SEC14L5: variants seen among roughly 807,000 people sequenced by gnomAD.
SEC14L5 encodes the protein SEC14-like protein 5.
A neutral mutation model predicts 84.6 loss-of-function variants in SEC14L5; 96 were observed. That is an observed-to-expected ratio of 1.13 (90% CI 0.96 to 1.34). The LOEUF is 1.34. Ranked by LOEUF, SEC14L5 falls within the 40% of genes most tolerant of loss-of-function variation. SEC14L5 has a pLI of 0.00. For synonymous variants in SEC14L5, 546 were observed against 383.4 expected, an observed-to-expected ratio of 1.42 and a Z score of -4.95; for missense variants, 1,224 against 942.5, an observed-to-expected ratio of 1.30 and a Z score of -3.91.
At chr16:5,007,602 CTTTCTTTTT>C in intron 13 of SEC14L5, 116 bp downstream of exon 13, 1 of 767,724 alleles carries the variant, frequency 1.3e-6, no homozygotes, top group East Asian at 2.9e-5. Flanking sequence ...TTCTTTCTTT[CTTTCTTTTT>C]TTTTTTTTTT....
chr16:4,994,586 C>T (rs1955588774), intron 6 of SEC14L5, among the ~76,000 whole-genome samples: 1 of 152,132 alleles, frequency 6.6e-6, no homozygotes, highest in South Asian at 2.1e-4. Context: ...TCAAGTTATC[C>T]TCCTGCCTTG....
chr16:4,959,180 G>T (rs1955088281), intron 1 of SEC14L5, 93 bp from the exon 2 acceptor site: 1 of 664,888 alleles, frequency 1.5e-6, no homozygotes, highest in Non-Finnish European at 2.8e-6. Flanking sequence ...GAGCTGTGTG[G>T]GTGGGGCCAG....
intron 15 of SEC14L5, among the ~76,000 whole-genome samples, chr16:5,014,169 A>G (rs907001486): frequency 4.6e-5 from 7 of 152,250 alleles, no homozygotes; most frequent in Non-Finnish European, 2.9e-5. Context: ...CCTCAGTCGC[A>G]TGGGCCACAT....
At chr16:4,971,259 G>A (rs1955275763) in intron 2 of SEC14L5, among the ~76,000 whole-genome samples, 3 of 152,146 alleles carry the variant, frequency 2.0e-5, no homozygotes, top group Admixed American at 2.0e-4. Flanking sequence ...GAGTTTGAGA[G>A]ACCAGCCTCG....
chr16:4,969,528 T>G (rs1260933623), intron 2 of SEC14L5, among the ~76,000 whole-genome samples: 1 of 152,026 alleles, frequency 6.6e-6, no homozygotes, highest in Non-Finnish European at 1.5e-5. Flanking sequence ...GGATTACAGG[T>G]GCCTGCCACC....
chr16:5,013,524 C>G (rs569793324), intron 15 of SEC14L5, among the ~76,000 whole-genome samples: 5 of 138,222 alleles, frequency 3.6e-5, no homozygotes, highest in African/African-American at 1.4e-4. Context: ...GTAGCTGGGA[C>G]TATAGGCATG....
At chr16:5,011,882 A>C (rs1558562) in intron 15 of SEC14L5, among the ~76,000 whole-genome samples, 67,165 of 152,042 alleles carry the variant, frequency 0.44, 15,102 homozygotes, top group African/African-American at 0.52. Context: ...AGCAGAAATG[A>C]AGGAGAAGGT....
At chr16:4,961,209 G>A (rs1955116986) in intron 2 of SEC14L5, among the ~76,000 whole-genome samples, 1 of 152,128 alleles carries the variant, frequency 6.6e-6, no homozygotes, top group Non-Finnish European at 1.5e-5. Flanking sequence ...GGAGGCAGAC[G>A]TTGCAGAGAG....
intron 14 of SEC14L5, 92 bp downstream of exon 14, chr16:5,008,740 T>A (rs1274506334): frequency 7.1e-6 from 8 of 1,125,730 alleles, no homozygotes; most frequent in Non-Finnish European, 9.1e-6. Flanking sequence ...GAGGACATAC[T>A]GGGCTGCTGG....
chr16:4,961,096 C>T (rs1955115274), intron 2 of SEC14L5, among the ~76,000 whole-genome samples: 1 of 152,016 alleles, frequency 6.6e-6, no homozygotes, highest in Non-Finnish European at 1.5e-5. Flanking sequence ...ACGGTGAAAC[C>T]CCAACTCAAC....
rs780382324 is a variant in SEC14L5, at chr16:5,003,571, C to G, written c.1300C>G (p.Leu434Val). Reference protein sequence around the residue: ...APRVFPVLWTLISPFINENTR... With the variant: ...APRVFPVLWTVISPFINENTR... Reference sequence around the variant, plus strand: ...CCGAGTCTTCCCCGTGCTCTGGACACTGGTAAGAGCTGGAGCCTGGGCCAG... The same window carrying G: ...CCGAGTCTTCCCCGTGCTCTGGACAGTGGTAAGAGCTGGAGCCTGGGCCAG... The change falls in exon 11 of 16, where the codon CTG becomes GTG. Residue 434 changes from leucine (L) to valine (V), a missense_variant and splice_region_variant. By Grantham distance (32) the Leu-to-Val change is conservative. Coordinates refer to ENST00000251170, the MANE Select transcript of SEC14L5 (RefSeq NM_014692.2). 11 of 1,294,718 alleles carry G rather than the reference C, an allele frequency of 8.5e-6. No homozygotes were observed. The highest frequency in any genetic ancestry group is 1.2e-5 in the South Asian group (1 of 84,664). 80.2% of individuals were successfully genotyped at this position (1,294,718 alleles called of 1,614,324 possible).
In SEC14L5 at chr16:4,997,123, G is replaced by C; in HGVS notation, c.970+79G>C. Reference sequence around the variant, plus strand: ...GCACTTTATTTATTATTTTGAGATGGGGTCTCACTCTGTCACCCAGGCTGG... The same window carrying C: ...GCACTTTATTTATTATTTTGAGATGCGGTCTCACTCTGTCACCCAGGCTGG... On this transcript the variant is annotated intron_variant, in intron 8 of 15. Coordinates refer to ENST00000251170, the MANE Select transcript of SEC14L5 (RefSeq NM_014692.2). 4.7e-6 allele frequency: 5 copies of C among 1,053,014 alleles called. No individual in the cohort carries two copies. In the South Asian group the frequency reaches 8.7e-5, roughly 18 times the overall value. The allele number at this position is 1,053,014 out of a possible 1,614,324, so 65.2% of individuals were successfully genotyped here.
At chr16:5,006,227 T>C (rs1167211626) in intron 12 of SEC14L5, among the ~76,000 whole-genome samples, 179 bp downstream of exon 12, 2 of 152,226 alleles carry the variant, frequency 1.3e-5, no homozygotes, top group African/African-American at 4.8e-5. Flanking sequence ...TAGAAGCTGC[T>C]TCAAAGAGAG....
chr16:5,013,916 C>T (rs111881135), intron 15 of SEC14L5, among the ~76,000 whole-genome samples: 2,746 of 152,168 alleles, frequency 0.018, 78 homozygotes, highest in African/African-American at 0.063. Context: ...TGGTCTCAAA[C>T]TCCTGGCCTC....
intron 6 of SEC14L5, among the ~76,000 whole-genome samples, chr16:4,993,964 T>TC: frequency 9.7e-6 from 1 of 102,870 alleles, no homozygotes; most frequent in South Asian, 3.0e-4. Flanking sequence ...GTGACTGTTT[T>TC]CCTTTTTTTT....
At chr16:4,980,396 C>A (rs1014738096) in intron 2 of SEC14L5, among the ~76,000 whole-genome samples, 6 of 152,138 alleles carry the variant, frequency 3.9e-5, no homozygotes, top group Non-Finnish European at 5.9e-5. Flanking sequence ...GCCTCCCCTC[C>A]GTGCCTGTTA....
chr16:4,962,980 C>G (rs936042449), intron 2 of SEC14L5, among the ~76,000 whole-genome samples: 4 of 152,192 alleles, frequency 2.6e-5, no homozygotes, highest in Non-Finnish European at 5.9e-5. Context: ...AACACTTGCC[C>G]TCAGATTGGG....
intron 6 of SEC14L5, among the ~76,000 whole-genome samples, chr16:4,992,417 A>AT (rs1249758753): frequency 6.6e-6 from 1 of 151,936 alleles, no homozygotes; most frequent in Non-Finnish European, 1.5e-5. Context: ...CACCCGGCCA[A>AT]TTTTTTCTAT....
chr16:4,992,701 A>C (rs1165389445), intron 6 of SEC14L5, among the ~76,000 whole-genome samples: 2 of 152,242 alleles, frequency 1.3e-5, no homozygotes, highest in Non-Finnish European at 2.9e-5. Flanking sequence ...CGAGTAATGC[A>C]TGATCATGGT....
Sources: allele counts gnomAD v4.1 joint callset (sites outside exome capture counted in the v4.1 genomes callset), GRCh38; gene constraint gnomAD v4.1.1; transcripts MANE v1.5; gene names NCBI Gene and HGNC (gene_info 2026-07-23, HGNC 2026-07-21).